OSBPL10: variants seen among roughly 807,000 people sequenced by gnomAD.
OSBPL10 encodes the protein oxysterol-binding protein-related protein 10.
In OSBPL10, 49 loss-of-function variants were observed where a neutral mutation model predicts 81.7. The observed-to-expected ratio is 0.60, with a 90% confidence interval of 0.48 to 0.76. The LOEUF is 0.76. Among genes scored for constraint, OSBPL10 ranks in the 30% least tolerant of loss-of-function variants. The pLI, the probability that OSBPL10 is intolerant of heterozygous loss-of-function variation, is 0.00. For synonymous variants in OSBPL10, 419 were observed against 383.6 expected, an observed-to-expected ratio of 1.09 and a Z score of -1.08; for missense variants, 923 against 987.8, an observed-to-expected ratio of 0.93 and a Z score of 0.88.
intron 6 of OSBPL10, chr3:31,707,530 G>A (rs1473442920): frequency 3.9e-5 from 6 of 152,186 alleles, no homozygotes; most frequent in Non-Finnish European, 5.9e-5. Context: ...GGTGAACTGA[G>A]CCATACCAAA....
intron 1 of OSBPL10, among the ~76,000 whole-genome samples, chr3:31,914,405 T>C (rs534643913): frequency 3.9e-4 from 59 of 152,220 alleles, no homozygotes; most frequent in Non-Finnish European, 8.1e-4. Context: ...TATCAGAGTC[T>C]GTAAATATGC....
At chr3:31,697,054 A>G (rs1695742358) in intron 7 of OSBPL10, among the ~76,000 whole-genome samples, 1 of 152,168 alleles carries the variant, frequency 6.6e-6, no homozygotes, top group African/African-American at 2.4e-5. Flanking sequence ...CTCTTGCATA[A>G]TCCTCCTTCA....
intron 3 of OSBPL10, among the ~76,000 whole-genome samples, chr3:31,862,139 G>A (rs3935363): frequency 0.083 from 12,592 of 151,918 alleles, 1,225 homozygotes; most frequent in African/African-American, 0.23. Context: ...AATATCTCAC[G>A]TACCTCATAA....
upstream of OSBPL10, among the ~76,000 whole-genome samples, chr3:31,983,726 C>A (rs1698895093): frequency 6.6e-6 from 1 of 152,214 alleles, no homozygotes; most frequent in African/African-American, 2.4e-5. Flanking sequence ...TTCCAGAAAG[C>A]TTTCCTTGAC....
intron 2 of OSBPL10, among the ~76,000 whole-genome samples, chr3:32,033,734 T>G (rs1459684331): frequency 6.6e-6 from 1 of 152,228 alleles, no homozygotes; most frequent in Non-Finnish European, 1.5e-5. Context: ...TTTCTTATTC[T>G]TTAGTGTAAA....
At position 31,980,996 on chromosome 3, in the gene OSBPL10, C is replaced by T. The variant is rs781023111; in HGVS notation, c.184G>A (p.Ala62Thr). The T allele has an allele frequency of 7.9e-6, 12 of 1,524,508 alleles. No individual in the cohort carries two copies. The highest frequency in any genetic ancestry group is 2.2e-5 in the Admixed American group (1 of 45,558). The allele number at this position is 1,524,508 out of a possible 1,614,324, so 94.4% of individuals were successfully genotyped here. The change falls in exon 1 of 12, where the codon GCC (alanine) becomes ACC (threonine). Residue 62 changes from alanine (A) to threonine (T), a missense_variant. Transcript: ENST00000396556. ...GGSRSSPGSVAASPSGGGGRR... is the reference protein window; with the variant it reads ...GGSRSSPGSVTASPSGGGGRR... ...CCGCCTCCCCCGGACGGGCTAGCGG[C>T]CACAGAGCCCGGGCTGCTGCGGCTT...
chr3:32,065,987 GAAAGAAAGAAAGAAAGAAAGAGAA>G lies in OSBPL10; in HGVS notation n.185+11385_185+11408del, dbSNP rs1301266116. Among the ~76,000 whole-genome samples, 36 of 64,880 alleles carry G rather than the reference GAAAGAAAGAAAGAAAGAAAGAGAA, an allele frequency of 5.5e-4. 10 individuals carry two copies. Among genetic ancestry groups the G allele is most frequent in the African/African-American group, 1.1e-3 (32 of 27,968 alleles). 42.6% of individuals were successfully genotyped at this position (64,880 alleles called of 152,430 possible). A position where few individuals can be genotyped will look rare whatever the true frequency, so the allele number is the denominator to read the frequency against. On this transcript the variant is annotated intron_variant and non_coding_transcript_variant, in intron 1 of 3. Transcript: ENST00000479173. ...AGAAAGAAAGAAAGAAAGAAAGAAA[GAAAGAAAGAAAGAAAGAAAGAGAA>G]AGAAAGAAAGAAAGAGAGAGAGAGA... is the stretch of plus-strand genomic sequence containing the variant.
intron 1 of OSBPL10, among the ~76,000 whole-genome samples, chr3:32,054,896 G>C (rs939178859): frequency 6.6e-6 from 1 of 152,060 alleles, no homozygotes; most frequent in Non-Finnish European, 1.5e-5. Flanking sequence ...TTGTTCTCTC[G>C]TTTTGATCCT....
intron 2 of OSBPL10, among the ~76,000 whole-genome samples, chr3:32,004,544 A>T (rs1037626469): frequency 6.6e-6 from 1 of 152,208 alleles, no homozygotes; most frequent in Non-Finnish European, 1.5e-5. Flanking sequence ...TATCGGCTGG[A>T]GAACTAGAAA....
At chr3:31,858,127 T>C (rs1700973338) in intron 3 of OSBPL10, among the ~76,000 whole-genome samples, 1 of 151,392 alleles carries the variant, frequency 6.6e-6, no homozygotes, top group Non-Finnish European at 1.5e-5. Context: ...CTCCCGAGTA[T>C]CTAGCTGGAA....
In OSBPL10 at chr3:31,980,964, C is replaced by A; in HGVS notation, c.216G>T (p.Arg72Ser). Residue 72 changes from arginine (R) to serine (S), a missense_variant, in exon 1 of 12, where the codon AGG becomes AGT. Around this residue, in one of 3 missense-constraint regions of OSBPL10, gnomAD observed 514 missense variants for 508.0 expected, o/e 1.01. Transcript: ENST00000396556. ...GCACGCCCTCGAGCGCCGGCTCCCT[C>A]CTGCGGCCGCCTCCCCCGGACGGGC... ...AASPSGGGGR[R>S]REPALEGVLS... 1 of 1,570,128 alleles carries A rather than the reference C, an allele frequency of 6.4e-7. No homozygotes were observed. The highest frequency in any genetic ancestry group is 8.6e-7 in the Non-Finnish European group (1 of 1,162,764).
intron 1 of OSBPL10, among the ~76,000 whole-genome samples, chr3:31,893,124 C>A (rs532810628): frequency 1.3e-5 from 2 of 152,228 alleles, no homozygotes; most frequent in East Asian, 3.9e-4. Context: ...AGAGTCAAAG[C>A]CTTTCTGGCT....
At chr3:31,731,602 C>T (rs1696974356) in intron 6 of OSBPL10, among the ~76,000 whole-genome samples, 1 of 151,976 alleles carries the variant, frequency 6.6e-6, no homozygotes, top group Non-Finnish European at 1.5e-5. Context: ...GATTCTCCTG[C>T]CTCAGCCTCC....
At chr3:31,663,014 T>C in intron 11 of OSBPL10, 1 of 985,464 alleles carries the variant, frequency 1.0e-6, no homozygotes, top group Non-Finnish European at 1.2e-6. Context: ...GTCCACAGCC[T>C]GACTCTGGGG....
chr3:32,012,479 T>C (rs1337262499), intron 2 of OSBPL10, among the ~76,000 whole-genome samples: 2 of 152,220 alleles, frequency 1.3e-5, no homozygotes, highest in African/African-American at 4.8e-5. Context: ...TATCAGCCAC[T>C]GCAAAAACAT....
At chr3:31,994,775 G>T (rs551624991) in intron 2 of OSBPL10, among the ~76,000 whole-genome samples, 44 of 152,124 alleles carry the variant, frequency 2.9e-4, no homozygotes, top group Non-Finnish European at 5.7e-4. Flanking sequence ...TAAGATTGAG[G>T]CTCCTGAAAG....
intron 2 of OSBPL10, chr3:31,986,336 CT>C (rs1174590662): frequency 6.6e-6 from 1 of 152,238 alleles, no homozygotes; most frequent in East Asian, 1.9e-4. Context: ...AGTGTTCTTG[CT>C]GCCTGAACTT....
chr3:31,901,774 G>A (rs553483313), intron 1 of OSBPL10, among the ~76,000 whole-genome samples: 121 of 152,116 alleles, frequency 8.0e-4, no homozygotes, highest in Non-Finnish European at 1.1e-3. Flanking sequence ...TAGGCCAATC[G>A]CACCTGTAAT....
chr3:31,991,703 C>A (rs1437661396), intron 2 of OSBPL10: 2 of 159,786 alleles, frequency 1.3e-5, no homozygotes, highest in South Asian at 2.1e-4. Context: ...AATTTTACTT[C>A]TTTCTTTCTG....
Sources: gnomAD v4.1 joint callset for allele counts (sites outside exome capture counted in the v4.1 genomes callset) on GRCh38, gnomAD v4.1.1 for gene constraint, gnomAD v4.1.1 regional missense constraint, MANE v1.5 for transcripts, NCBI Gene and HGNC (gene_info 2026-07-23, HGNC 2026-07-21) for gene names.